The following ALPK1 variants were observed in gnomAD, a reference collection of about 807,000 sequenced individuals.
The protein encoded by ALPK1 is alpha kinase 1.
Under a neutral mutation model 120.6 loss-of-function variants are expected in ALPK1, and 110 were observed. The ratio of observed to expected loss-of-function variants is 0.91; its 90% CI spans 0.78 to 1.07. ALPK1 has a LOEUF of 1.07. ALPK1 is among the 50% of genes least tolerant of loss of function. ALPK1 has a pLI of 0.00. For missense variants in ALPK1, 1,498 were observed against 1,483.9 expected (o/e 1.01, Z -0.16); for synonymous variants, 582 against 560.3 (o/e 1.04, Z -0.55).
chr4:112,356,900 A>G (rs1308472356), intron 2 of ALPK1: 2 of 751,812 alleles, frequency 2.7e-6, no homozygotes, highest in South Asian at 1.3e-5. Context: ...GGTGAAGAAG[A>G]CGTGTGAAGG....
chr4:112,426,809 A>G (rs1263298165), intron 8 of ALPK1, among the ~76,000 whole-genome samples: 3 of 152,202 alleles, frequency 2.0e-5, no homozygotes, highest in East Asian at 3.9e-4. Flanking sequence ...TGGTCCATTC[A>G]TTTATCTGTT....
Position 112,411,871 on chromosome 4 carries a change from G to T in ALPK1, c.321G>T (p.Ala107=), listed in dbSNP as rs1450690697. The part of the protein sequence containing the change: ...ASILARDCAA[A]AAIVFLVDRF... The stretch of plus-strand genomic sequence containing the variant: ...TCCTCGCTCGGGACTGTGCGGCTGC[G>T]GCGGCTATTGTGTTCTTGGTGGACC... The change falls in exon 5 of 16, where the codon GCG becomes GCT. Residue 107 remains alanine (A), a synonymous_variant. Coordinates refer to ENST00000650871, the MANE Select transcript of ALPK1 (RefSeq NM_025144.4). 1.9e-6 allele frequency: 3 copies of T among 1,613,584 alleles called. No homozygotes were observed. Among genetic ancestry groups the T allele is most frequent in the Middle Eastern group, 3.3e-4 (2 of 6,060 alleles).
intron 2 of ALPK1, among the ~76,000 whole-genome samples, chr4:112,317,096 T>G (rs1226769886): frequency 6.6e-6 from 1 of 152,200 alleles, no homozygotes; most frequent in African/African-American, 2.4e-5. Flanking sequence ...GTTTGATTTT[T>G]TTGTTGTTGA....
chr4:112,396,932 C>A (rs1732677368), intron 4 of ALPK1, among the ~76,000 whole-genome samples: 1 of 152,082 alleles, frequency 6.6e-6, no homozygotes, highest in Non-Finnish European at 1.5e-5. Flanking sequence ...CGTGTGCCAC[C>A]ACACCCAGAT....
intron 2 of ALPK1, among the ~76,000 whole-genome samples, chr4:112,344,722 T>A (rs1200657234): frequency 2.6e-5 from 4 of 152,168 alleles, no homozygotes; most frequent in Admixed American, 1.3e-4. Flanking sequence ...GGAAAGTTAC[T>A]TAACCTCCAT....
intron 2 of ALPK1, chr4:112,342,946 T>G (rs1050913122): frequency 2.0e-5 from 3 of 152,298 alleles, no homozygotes; most frequent in Non-Finnish European, 2.9e-5. Flanking sequence ...TACATACGCT[T>G]CTCCTGATTC....
intron 4 of ALPK1, among the ~76,000 whole-genome samples, chr4:112,402,655 C>A (rs1017355048): frequency 6.6e-6 from 1 of 152,174 alleles, no homozygotes; most frequent in African/African-American, 2.4e-5. Context: ...TGTTTGTGAG[C>A]CTCTCTCTTC....
chr4:112,312,667 T>A (rs1728460420), intron 1 of ALPK1, among the ~76,000 whole-genome samples: 1 of 152,194 alleles, frequency 6.6e-6, no homozygotes, highest in Non-Finnish European at 1.5e-5. Context: ...TTGTCAGAAA[T>A]CTGGAAACAT....
chr4:112,358,078 C>A lies in ALPK1; in HGVS notation c.-100-19600C>A, dbSNP rs1254934072. Reference sequence around the variant, plus strand: ...GCCTCCATAGCCCCCACGCATGGACCCCCTGGTTGTCCTTAAGATGCGAGA... The same window carrying A: ...GCCTCCATAGCCCCCACGCATGGACACCCTGGTTGTCCTTAAGATGCGAGA... On this transcript the variant is annotated intron_variant, in intron 2 of 15. Transcript: ENST00000650871. The A allele has an allele frequency of 1.4e-5, 8 of 584,018 alleles. No individual in the cohort carries two copies. The East Asian group carries it at 2.4e-4, about 18-fold the overall frequency. The allele number at this position is 584,018 out of a possible 1,614,324, so 36.2% of individuals were successfully genotyped here. A position where few individuals can be genotyped will look rare whatever the true frequency, so the allele number is the denominator to read the frequency against.
intron 2 of ALPK1, among the ~76,000 whole-genome samples, chr4:112,326,053 G>A (rs1729102215): frequency 6.6e-6 from 1 of 151,942 alleles, no homozygotes; most frequent in African/African-American, 2.4e-5. Flanking sequence ...GCCTTCCTAG[G>A]GCTCTTTCCC....
chr4:112,439,158 C>G (rs558803039), intron 13 of ALPK1, among the ~76,000 whole-genome samples: 14 of 152,270 alleles, frequency 9.2e-5, no homozygotes, highest in African/African-American at 3.4e-4. Flanking sequence ...ATATTAGATC[C>G]TGAGTGCATT....
At position 112,427,187 on chromosome 4, in the gene ALPK1, A is replaced by G. The variant is rs1234084465; in HGVS notation, c.700-383A>G. ...ATCCAGTGAAACCCAACTGAGAAGT[A>G]GCTGTGTTTACATTAGGCCCATGTG... On this transcript the variant is annotated intron_variant, in intron 8 of 15. Transcript: ENST00000650871. Among the ~76,000 whole-genome samples the G allele has an allele frequency of 2.0e-5, 3 of 152,212 alleles. No individual in the cohort carries two copies. The East Asian group carries it at 5.8e-4, about 29-fold the overall frequency.
chr4:112,403,271 G>A (rs966250551), intron 4 of ALPK1, among the ~76,000 whole-genome samples: 3 of 151,472 alleles, frequency 2.0e-5, no homozygotes, highest in African/African-American at 7.3e-5. Flanking sequence ...TTGCTGCTGA[G>A]GAATTTACTA....
chr4:112,359,731 C>G, intron 2 of ALPK1: 1 of 306,486 alleles, frequency 3.3e-6, no homozygotes, highest in South Asian at 3.0e-5. Context: ...CATGCAGTAT[C>G]TGAGTGGGGC....
intron 5 of ALPK1, among the ~76,000 whole-genome samples, chr4:112,420,688 C>G (rs975751689): frequency 1.3e-5 from 2 of 152,152 alleles, no homozygotes; most frequent in Non-Finnish European, 2.9e-5. Flanking sequence ...GCATATATCC[C>G]AAGTCTTCCT....
In ALPK1 at chr4:112,377,503, G is replaced by A. The variant is rs77273710; in HGVS notation, c.-100-175G>A. Among the ~76,000 whole-genome samples the A allele has an allele frequency of 0.014, 2,175 of 152,198 alleles. 55 individuals are homozygous for A. The highest frequency in any genetic ancestry group is 0.048 in the African/African-American group (1,976 of 41,532). On this transcript the variant is annotated intron_variant, in intron 2 of 15. Coordinates refer to ENST00000650871, the MANE Select transcript of ALPK1 (RefSeq NM_025144.4). ...CTCGCTTCTGCACTCTGAGGCCTTC[G>A]GAGGTGCTGCCCATCTAGCCAGGCC... is the stretch of plus-strand genomic sequence containing the variant.
chr4:112,306,371 T>C (rs1728056617), intron 1 of ALPK1, among the ~76,000 whole-genome samples: 1 of 152,112 alleles, frequency 6.6e-6, no homozygotes, highest in Non-Finnish European at 1.5e-5. Context: ...TGTGAATCTG[T>C]CTGGTCCTGG....
At chr4:112,365,949 A>G (rs28854506) in intron 2 of ALPK1, among the ~76,000 whole-genome samples, 18,662 of 152,220 alleles carry the variant, frequency 0.12, 1,408 homozygotes, top group African/African-American at 0.21. Flanking sequence ...AAAAACATAT[A>G]GTGGGGAAAG....
At chr4:112,310,424 A>T (rs1176660562) in intron 1 of ALPK1, among the ~76,000 whole-genome samples, 3 of 152,164 alleles carry the variant, frequency 2.0e-5, no homozygotes, top group Non-Finnish European at 2.9e-5. Flanking sequence ...AATATATTTA[A>T]AGAGTCCCAA....
Sources: gnomAD v4.1 joint callset for allele counts (sites outside exome capture counted in the v4.1 genomes callset) on GRCh38, gnomAD v4.1.1 for gene constraint, MANE v1.5 for transcripts, NCBI Gene and HGNC (gene_info 2026-07-23, HGNC 2026-07-21) for gene names.